DVL2: variants seen among roughly 807,000 people sequenced by gnomAD.
DVL2 encodes segment polarity protein dishevelled homolog DVL-2.
Under a neutral mutation model 69.8 loss-of-function variants are expected in DVL2, and 38 were observed. That is an observed-to-expected ratio of 0.54 (90% CI 0.42 to 0.71). The LOEUF (loss-of-function observed/expected upper bound fraction) is 0.71, where lower values mean the gene tolerates loss of function less well. DVL2 is among the 30% of genes least tolerant of loss of function. The pLI is 0.00. For synonymous variants in DVL2, 428 were observed against 392.4 expected (o/e 1.09, Z -1.07); for missense variants, 931 against 1,008.1 (o/e 0.92, Z 1.04).
At position 7,226,652 on chromosome 17, in the gene DVL2, G is replaced by A. The variant is rs766341126; in HGVS notation, c.1544-13C>T. The A allele has an allele frequency of 6.6e-7, 1 of 1,517,432 alleles. No individual in the cohort carries two copies. The highest frequency in any genetic ancestry group is 8.8e-7 in the Non-Finnish European group (1 of 1,134,332). The allele number at this position is 1,517,432 out of a possible 1,614,324, so 94.0% of individuals were successfully genotyped here. On this transcript the variant is annotated splice_polypyrimidine_tract_variant and intron_variant, in intron 13 of 14. Coordinates refer to ENST00000005340, the MANE Select transcript of DVL2 (RefSeq NM_004422.3). ...AGGTTGACTAGGTCTGGAAAGCAAG[G>A]GAAGAGAGGAAGAAATCACTGCTTC...
Position 7,227,695 on chromosome 17 carries a change from G to A in DVL2, c.1191C>T (p.Ser397=), listed in dbSNP as rs112316307. The A allele has an allele frequency of 3.2e-5, 52 of 1,613,506 alleles. 1 individual carries two copies. The African/African-American group carries it at 3.3e-4, about 10-fold the overall frequency. ...TGTFPAYPGS[S]SMSTITSGSS... ...ATCCAGATGTAATGGTGCTCATGGA[G>A]GAGGAACCTGGATAGGCTGGGAAGG... The change falls in exon 11 of 15, where the codon TCC becomes TCT. Residue 397 remains serine (S), a synonymous_variant. Coordinates refer to ENST00000005340, the MANE Select transcript of DVL2 (RefSeq NM_004422.3).
At chr17:7,233,939 A>G (rs771741448) in intron 1 of DVL2, 130 bp downstream of exon 1, 1 of 963,910 alleles carries the variant, frequency 1.0e-6, no homozygotes, top group Non-Finnish European at 1.6e-6. Flanking sequence ...AACCTACCTC[A>G]GCATAGTACA....
At chr17:7,234,023 C>T (rs2071593160) in intron 1 of DVL2, 46 bp downstream of exon 1, 3 of 1,599,694 alleles carry the variant, frequency 1.9e-6, no homozygotes, top group Non-Finnish European at 2.6e-6. Flanking sequence ...TCGCCCAATC[C>T]ACTCTAGCAA....
Position 7,229,783 on chromosome 17 carries a change from TG to T in DVL2, c.656+24del. The T allele has an allele frequency of 6.2e-7, 1 of 1,601,600 alleles. No individual in the cohort carries two copies. Among genetic ancestry groups the T allele is most frequent in the Non-Finnish European group, 8.5e-7 (1 of 1,171,632 alleles). On this transcript the variant is annotated intron_variant, in intron 5 of 14. Transcript: ENST00000005340. This position sits in a 1 kb window ranked among gnomAD's most constrained non-coding sequence, Gnocchi z 4.4. ...GAAGACGAGACGGGGCTGGGTGCGC[TG>T]GGGAGAGCTGTGCGGAGCCACACCT...
At chr17:7,232,450 T>C (rs1331573427) in intron 1 of DVL2, among the ~76,000 whole-genome samples, 1 of 152,212 alleles carries the variant, frequency 6.6e-6, no homozygotes, top group Non-Finnish European at 1.5e-5. Flanking sequence ...CTTGGTCCAC[T>C]CTGAGGCAAA....
rs371312802 is a variant in DVL2, at chr17:7,234,104, G to C, written c.159C>G (p.Ala53=). 43 of 1,614,030 alleles carry C rather than the reference G, an allele frequency of 2.7e-5. No homozygotes were observed. Among genetic ancestry groups the C allele is most frequent in the Non-Finnish European group, 3.5e-5 (41 of 1,180,036 alleles). ...GATCCATAGACTTGAAAAAGTACTT[G>C]GCGCCCGCGGGCCGCTGCAGGACGC... ...FKSVLQRPAG[A]KYFFKSMDQD... Residue 53 remains alanine (A), a synonymous_variant, in exon 1 of 15, where the codon GCC becomes GCG. Coordinates refer to ENST00000005340, the MANE Select transcript of DVL2 (RefSeq NM_004422.3).
Position 7,229,948 on chromosome 17 carries a change from A to G in DVL2, c.521-5T>C. 6.2e-7 allele frequency: 1 copy of G among 1,608,146 alleles called. No homozygotes were observed. The highest frequency in any genetic ancestry group is 8.5e-7 in the Non-Finnish European group (1 of 1,179,710). ...CACCAGTCCTGTGGCCCCCAGCTAC[A>G]TATGGACAGGAAGCTCAAGAACCAA... On this transcript the variant is annotated splice_polypyrimidine_tract_variant and splice_region_variant and intron_variant, in intron 4 of 14. Coordinates refer to ENST00000005340, the MANE Select transcript of DVL2 (RefSeq NM_004422.3). The surrounding 1 kb of genome is among the most constrained non-coding windows in gnomAD (Gnocchi z 4.4).
intron 1 of DVL2, 28 bp downstream of exon 1, chr17:7,234,041 G>C (rs2071593929): frequency 6.2e-7 from 1 of 1,611,198 alleles, no homozygotes. Context: ...CAAAGCCCCC[G>C]CCGGTCCTAT....
At chr17:7,228,545 T>C (rs1238178767) in intron 9 of DVL2, 2 of 193,324 alleles carry the variant, frequency 1.0e-5, no homozygotes, top group South Asian at 9.8e-5. Context: ...TGCTATGTCA[T>C]GCATTTGTTT....
rs1490458381 is a variant in DVL2, at chr17:7,227,465, C to T, written c.1302G>A (p.Glu434=). ...ASVTKAMAAP[E]SGLEVRDRMW... is the part of the protein sequence containing the mutation. ...TGCGGTCCCGGACTTCCAGTCCAGACTCTGGAGCTGCCATGGCCTTGGTCA... is the reference window on the plus strand; with the variant it reads ...TGCGGTCCCGGACTTCCAGTCCAGATTCTGGAGCTGCCATGGCCTTGGTCA... The change falls in exon 12 of 15, where the codon GAG becomes GAA. Residue 434 remains glutamate, a synonymous_variant. Coordinates refer to ENST00000005340, the MANE Select transcript of DVL2 (RefSeq NM_004422.3). 6.2e-7 allele frequency: 1 copy of T among 1,614,230 alleles called. No individual in the cohort carries two copies. The highest frequency in any genetic ancestry group is 1.7e-5 in the Admixed American group (1 of 60,038).
intron 2 of DVL2, 46 bp downstream of exon 2, chr17:7,230,682 T>A (rs758658577): frequency 6.4e-7 from 1 of 1,563,152 alleles, no homozygotes; most frequent in Admixed American, 1.8e-5. Flanking sequence ...TTGAGGGAGC[T>A]TGGCAATGCT....
chr17:7,233,059 C>T (rs956016778), intron 1 of DVL2, among the ~76,000 whole-genome samples: 1 of 125,872 alleles, frequency 7.9e-6, no homozygotes, highest in Non-Finnish European at 1.6e-5. Context: ...CACTGCACTC[C>T]AGCCTGGGCG....
At chr17:7,233,980 G>T in intron 1 of DVL2, 89 bp downstream of exon 1, 1 of 1,422,080 alleles carries the variant, frequency 7.0e-7, no homozygotes, top group Non-Finnish European at 9.7e-7. Flanking sequence ...GAAAATCCCA[G>T]TGTGGCCCAA....
In DVL2 at chr17:7,229,079, T is replaced by A. The variant is rs190686763; in HGVS notation, c.958-34A>T. ...GACGGCAAGTGGGTCAGAGACACGG[T>A]GGGAGAGGCTGAGGGCCCCCGTGCA... is the stretch of plus-strand genomic sequence containing the variant. On this transcript the variant is annotated intron_variant, in intron 8 of 14. Coordinates refer to ENST00000005340, the MANE Select transcript of DVL2 (RefSeq NM_004422.3). This position sits in a 1 kb window ranked among gnomAD's most constrained non-coding sequence, Gnocchi z 4.4. 1.2e-6 allele frequency: 2 copies of A among 1,614,136 alleles called. No homozygotes were observed. Among genetic ancestry groups the A allele is most frequent in the Non-Finnish European group, 1.7e-6 (2 of 1,180,012 alleles).
rs746163116 is a variant in DVL2, at chr17:7,229,415, T to C, written c.780A>G (p.Thr260=). Residue 260 remains threonine, a synonymous_variant, in exon 7 of 15, where the codon ACA becomes ACG. Coordinates refer to ENST00000005340, the MANE Select transcript of DVL2 (RefSeq NM_004422.3). This position sits in a 1 kb window ranked among gnomAD's most constrained non-coding sequence, Gnocchi z 4.4. The part of the protein sequence containing the change: ...TSSFSSVTDS[T]MSLNIITVTL... ...TGACTGTGATGATATTGAGAGACAT[T>C]GTGGAATCTGTGACGCTGCTGAAGG... The C allele has an allele frequency of 2.5e-6, 4 of 1,613,944 alleles. No individual in the cohort carries two copies. Among genetic ancestry groups the C allele is most frequent in the East Asian group, 4.5e-5 (2 of 44,876 alleles).
chr17:7,229,116 T>A lies in DVL2; in HGVS notation c.957+19A>T. On this transcript the variant is annotated intron_variant, in intron 8 of 14. Coordinates refer to ENST00000005340, the MANE Select transcript of DVL2 (RefSeq NM_004422.3). The surrounding 1 kb of genome is among the most constrained non-coding windows in gnomAD (Gnocchi z 4.4). ...AGGGCCCCCGTGCAGGGCAGCTCAG[T>A]GGCCCTACCCCAGCACACCTGCAAA... 6.2e-7 allele frequency: 1 copy of A among 1,613,946 alleles called. No individual in the cohort carries two copies.
Position 7,234,457 on chromosome 17 carries a change from C to T in DVL2, c.-195G>A, listed in dbSNP as rs2071604237. 6.3e-6 allele frequency: 4 copies of T among 630,728 alleles called. No homozygotes were observed. The highest frequency in any genetic ancestry group is 4.6e-5 in the South Asian group (2 of 43,408). 39.1% of individuals were successfully genotyped at this position (630,728 alleles called of 1,614,324 possible). ...GGGCCGCGGGGTGCGACTCAAAGCC[C>T]CGGTCTCAGCGGCCGCCGCGCGCCA... On this transcript the variant is annotated 5_prime_UTR_variant, in exon 1 of 15. Coordinates refer to ENST00000005340, the MANE Select transcript of DVL2 (RefSeq NM_004422.3).
chr17:7,228,286 G>C (rs1051671444), intron 9 of DVL2: 10 of 369,784 alleles, frequency 2.7e-5, no homozygotes, highest in Non-Finnish European at 4.5e-5. Flanking sequence ...TCCATTCACA[G>C]AAAGTCCAAA....
intron 1 of DVL2, among the ~76,000 whole-genome samples, chr17:7,232,998 G>A (rs2142994062): frequency 6.6e-6 from 1 of 151,396 alleles, no homozygotes; most frequent in Admixed American, 6.6e-5. Flanking sequence ...GCTGAGGCAG[G>A]AGAATGGCGT....
Sources: gnomAD v4.1 joint callset for allele counts (sites outside exome capture counted in the v4.1 genomes callset) on GRCh38, gnomAD v4.1.1 for gene constraint, Gnocchi (gnomAD v3.1) non-coding constraint, MANE v1.5 for transcripts, NCBI Gene and HGNC (gene_info 2026-07-23, HGNC 2026-07-21) for gene names.